Variants in APCDD1L observed in about 807,000 individuals in gnomAD.
APCDD1L encodes the protein protein APCDD1-like.
Under a neutral mutation model 24.2 loss-of-function variants are expected in APCDD1L, and 21 were observed. That is an observed-to-expected ratio of 0.87 (90% CI 0.61 to 1.25). The LOEUF is 1.25. APCDD1L is among the 50% of genes most tolerant of loss of function. The probability of loss-of-function intolerance (pLI) is 0.00; values close to 1 mark genes in which losing one functional copy is unlikely to be tolerated. For synonymous variants in APCDD1L, 321 were observed against 323.6 expected (o/e 0.99, Z 0.09); for missense variants, 704 against 711.7 (o/e 0.99, Z 0.12).
At chr20:58,491,243 A>G (rs1003223827) in intron 1 of APCDD1L, among the ~76,000 whole-genome samples, 3 of 152,252 alleles carry the variant, frequency 2.0e-5, no homozygotes, top group South Asian at 2.1e-4. Context: ...ATGACTTTCA[A>G]TGTTTTACTG....
intron 1 of APCDD1L, among the ~76,000 whole-genome samples, chr20:58,482,899 C>T (rs73183278): frequency 0.052 from 7,930 of 152,228 alleles, 306 homozygotes; most frequent in East Asian, 0.16. Context: ...GATCTTGGCT[C>T]GACATTTATT....
intron 1 of APCDD1L, among the ~76,000 whole-genome samples, chr20:58,476,269 C>T (rs1239216751): frequency 2.0e-5 from 3 of 152,230 alleles, no homozygotes; most frequent in Non-Finnish European, 4.4e-5. Context: ...CGGCTCACTA[C>T]AACCTCTGCC....
In APCDD1L at chr20:58,467,647, C is replaced by G. The variant is rs1482097793; in HGVS notation, c.200G>C (p.Arg67Pro). 7 of 1,497,498 alleles carry G rather than the reference C, an allele frequency of 4.7e-6. No homozygotes were observed. The highest frequency in any genetic ancestry group is 5.4e-6 in the Non-Finnish European group (6 of 1,119,142). 92.8% of individuals were successfully genotyped at this position (1,497,498 alleles called of 1,614,324 possible). Residue 67 changes from arginine to proline, a missense_variant, in exon 3 of 4, where the codon CGC (arginine) becomes CCC (proline). Physicochemically the swap from Arg to Pro is moderately radical, Grantham distance 103 (BLOSUM62 -2). Transcript: ENST00000371149. The surrounding 1 kb of genome is among the most constrained non-coding windows in gnomAD (Gnocchi z 5.9). ...GPWISTGCEVRPGPEFLTRAY... is the reference protein window; with the variant it reads ...GPWISTGCEVPPGPEFLTRAY... ...GCGGGTCAGGAACTCCGGTCCTGGG[C>G]GCACCTCGCAGCTGCAGGGGTGGAA...
chr20:58,462,879 C>T (rs1444024092), intron 3 of APCDD1L, among the ~76,000 whole-genome samples: 2 of 150,170 alleles, frequency 1.3e-5, no homozygotes, highest in Admixed American at 1.3e-4. Flanking sequence ...TGCAGTGCCT[C>T]ATGCCTGTAA....
intron 3 of APCDD1L, among the ~76,000 whole-genome samples, chr20:58,464,289 GC>G (rs1200737144): frequency 1.3e-5 from 2 of 152,214 alleles, no homozygotes; most frequent in African/African-American, 4.8e-5. Context: ...GACATTTAGG[GC>G]TGCTAGTTGG....
Position 58,497,025 on chromosome 20 carries a change from C to T in APCDD1L, c.49+17634G>A, listed in dbSNP as rs1206003224. On this transcript the variant is annotated intron_variant, in intron 1 of 3. Coordinates refer to ENST00000371149, the MANE Select transcript of APCDD1L (RefSeq NM_153360.3). The surrounding 1 kb of genome is among the most constrained non-coding windows in gnomAD (Gnocchi z 4.3). ...AATTTGCATATGTATACTAGAAGGT[C>T]TGAACTTGCAGACACCGGCCAGTGA... Among the ~76,000 whole-genome samples the T allele has an allele frequency of 1.3e-5, 2 of 152,208 alleles. No individual in the cohort carries two copies. The highest frequency in any genetic ancestry group is 1.5e-5 in the Non-Finnish European group (1 of 68,036).
chr20:58,495,382 G>A (rs141099171), intron 1 of APCDD1L, among the ~76,000 whole-genome samples: 8 of 152,334 alleles, frequency 5.3e-5, no homozygotes, highest in African/African-American at 1.2e-4. Context: ...CCAGGAAGCC[G>A]GCCCTTGGGG....
At position 58,460,809 on chromosome 20, in the gene APCDD1L, G is replaced by A; in HGVS notation, c.1487C>T (p.Ala496Val). ...CCAATGTCATAGCCAGTGGAGGAAG[G>A]CCAGCCCTAGAACTAGGGGCAGAAG... ...FPLLPLVLGL[A>V]FLHWL is the part of the protein sequence containing the mutation. Residue 496 changes from alanine to valine, a missense_variant, in exon 4 of 4, where the codon GCC becomes GTC. Coordinates refer to ENST00000371149, the MANE Select transcript of APCDD1L (RefSeq NM_153360.3). The surrounding 1 kb of genome is among the most constrained non-coding windows in gnomAD (Gnocchi z 4.2). 6.6e-7 allele frequency: 1 copy of A among 1,524,922 alleles called. No homozygotes were observed. Among genetic ancestry groups the A allele is most frequent in the Non-Finnish European group, 8.8e-7 (1 of 1,136,222 alleles). 94.5% of individuals were successfully genotyped at this position (1,524,922 alleles called of 1,614,324 possible).
chr20:58,506,862 A>T (rs756446825), intron 1 of APCDD1L, among the ~76,000 whole-genome samples: 9 of 152,222 alleles, frequency 5.9e-5, no homozygotes, highest in African/African-American at 1.9e-4. Context: ...TTTCAAAGGC[A>T]TCAGGGCAGG....
chr20:58,514,554 C>A, intron 1 of APCDD1L, 105 bp downstream of exon 1: 1 of 1,139,148 alleles, frequency 8.8e-7, no homozygotes, highest in East Asian at 3.1e-5. Flanking sequence ...CCGCGTGGGC[C>A]GACCCAGGGC....
chr20:58,478,622 T>C (rs914546257), intron 1 of APCDD1L, among the ~76,000 whole-genome samples: 6 of 152,176 alleles, frequency 3.9e-5, no homozygotes, highest in African/African-American at 1.4e-4. Flanking sequence ...ATAGACTAAG[T>C]GCTCAGTAAA....
At chr20:58,465,579 C>T (rs1313987320) in intron 3 of APCDD1L, among the ~76,000 whole-genome samples, 1 of 152,216 alleles carries the variant, frequency 6.6e-6, no homozygotes, top group East Asian at 1.9e-4. Context: ...TTCATCCACC[C>T]TCCCTCCATC....
intron 1 of APCDD1L, among the ~76,000 whole-genome samples, chr20:58,509,218 G>C (rs940608745): frequency 6.6e-6 from 1 of 152,146 alleles, no homozygotes; most frequent in Non-Finnish European, 1.5e-5. Flanking sequence ...TTGGTGCTGA[G>C]TGAGGAAGCA....
At chr20:58,471,491 G>A (rs933631307) in intron 1 of APCDD1L, among the ~76,000 whole-genome samples, 1 of 152,258 alleles carries the variant, frequency 6.6e-6, no homozygotes, top group African/African-American at 2.4e-5. Flanking sequence ...GGCAGAAGGT[G>A]ACTGGAAGAT....
At chr20:58,481,318 C>T (rs1044373484) in intron 1 of APCDD1L, among the ~76,000 whole-genome samples, 5 of 152,194 alleles carry the variant, frequency 3.3e-5, no homozygotes, top group South Asian at 4.1e-4. Context: ...GCAAGATAAT[C>T]ACAAGGTTTT....
chr20:58,494,282 T>C lies in APCDD1L; in HGVS notation c.49+20377A>G, dbSNP rs1600868480. Among the ~76,000 whole-genome samples the C allele has an allele frequency of 7.2e-6, 1 of 139,238 alleles. No individual in the cohort carries two copies. Among genetic ancestry groups the C allele is most frequent in the East Asian group, 2.1e-4 (1 of 4,802 alleles). The allele number at this position is 139,238 out of a possible 152,430, so 91.3% of individuals were successfully genotyped here. A position where few individuals can be genotyped will look rare whatever the true frequency, so the allele number is the denominator to read the frequency against. ...GCATTTCTTTTTTCTTTTCTTTTCT[T>C]TTCTTACTTTTCTTTTCTCTTCTCT... On this transcript the variant is annotated intron_variant, in intron 1 of 3. Transcript: ENST00000371149. This position sits in a 1 kb window ranked among gnomAD's most constrained non-coding sequence, Gnocchi z 4.8.
chr20:58,482,862 C>T (rs1990049001), intron 1 of APCDD1L, among the ~76,000 whole-genome samples: 1 of 152,190 alleles, frequency 6.6e-6, no homozygotes, highest in Admixed American at 6.5e-5. Flanking sequence ...AACCCCTAGC[C>T]TCCTTCCATC....
rs1033126388 is a variant in APCDD1L at position 58,508,851 on chromosome 20, G to A, written c.49+5808C>T. ...AGGTAATGATAGGCCACGGTGTATG[G>A]AGAGTGAGGGGTGCCGTGCAGAAAG... On this transcript the variant is annotated intron_variant, in intron 1 of 3. Transcript: ENST00000371149. The surrounding 1 kb of genome is among the most constrained non-coding windows in gnomAD (Gnocchi z 4.0). Among the ~76,000 whole-genome samples the A allele has an allele frequency of 1.3e-5, 2 of 152,188 alleles. No individual in the cohort carries two copies. The highest frequency in any genetic ancestry group is 2.9e-5 in the Non-Finnish European group (2 of 68,038).
At chr20:58,502,104 T>C (rs186330096) in intron 1 of APCDD1L, among the ~76,000 whole-genome samples, 10 of 152,284 alleles carry the variant, frequency 6.6e-5, no homozygotes, top group Admixed American at 6.5e-4. Context: ...TTGTGTTTTT[T>C]TGTTTTGTTT....
Sources: allele counts gnomAD v4.1 joint callset (sites outside exome capture counted in the v4.1 genomes callset), GRCh38; gene constraint gnomAD v4.1.1; non-coding constraint Gnocchi (gnomAD v3.1); transcripts MANE v1.5; gene names NCBI Gene and HGNC (gene_info 2026-07-23, HGNC 2026-07-21).